Variants in RBM20 observed in about 807,000 individuals in gnomAD.
RBM20 encodes the protein RNA-binding protein 20.
Under a neutral mutation model 110.1 loss-of-function variants are expected in RBM20, and 51 were observed. That is an observed-to-expected ratio of 0.46 (90% CI 0.37 to 0.59). The LOEUF (loss-of-function observed/expected upper bound fraction) is 0.59. Ranked by LOEUF, RBM20 falls within the 20% of genes least tolerant of loss-of-function variation. RBM20 has a pLI of 0.00. For missense variants in RBM20, 1,512 were observed against 1,574.9 expected, an observed-to-expected ratio of 0.96 and a Z score of 0.68; for synonymous variants, 589 against 618.2, an observed-to-expected ratio of 0.95 and a Z score of 0.70.
intron 1 of RBM20, among the ~76,000 whole-genome samples, chr10:110,776,471 C>A (rs1844265747): frequency 6.6e-6 from 1 of 152,218 alleles, no homozygotes; most frequent in Non-Finnish European, 1.5e-5. Flanking sequence ...AAGGGACAAT[C>A]TGTTTCCTGG....
At chr10:110,741,382 A>G (rs1843723873) in intron 1 of RBM20, among the ~76,000 whole-genome samples, 1 of 152,132 alleles carries the variant, frequency 6.6e-6, no homozygotes, top group African/African-American at 2.4e-5. Context: ...TATTTAGGGG[A>G]CTGCAGCTGT....
Position 110,675,402 on chromosome 10 carries a change from G to A in RBM20, c.191+30757G>A, listed in dbSNP as rs563529963. 7.9e-5 allele frequency among the ~76,000 whole-genome samples: 12 copies of A among 152,296 alleles called. No homozygotes were observed. The East Asian group carries it at 2.1e-3, about 27-fold the overall frequency. On this transcript the variant is annotated intron_variant, in intron 1 of 13. Coordinates refer to ENST00000369519, the MANE Select transcript of RBM20 (RefSeq NM_001134363.3). ...AGCACCATCATCATTATGAGCAGCT[G>A]TGTCTTGCATTCTTATAATGTGGTT... is the stretch of plus-strand genomic sequence containing the variant.
rs1489998504 is a variant in RBM20, at chr10:110,838,024, T to C, written c.*2046T>C. On this transcript the variant is annotated 3_prime_UTR_variant, in exon 14 of 14. Coordinates refer to ENST00000369519, the MANE Select transcript of RBM20 (RefSeq NM_001134363.3). ...TCAGGAGAGAGAGAGAGAGAAAGAA[T>C]AGCCAAATCCCCAAACAGGCCAGTT... 6.6e-6 allele frequency: 1 copy of C among 152,120 alleles called. No homozygotes were observed. Among genetic ancestry groups the C allele is most frequent in the Non-Finnish European group, 1.5e-5 (1 of 68,040 alleles). The allele number at this position is 152,120 out of a possible 1,614,324, so 9.4% of individuals were successfully genotyped here.
intron 9 of RBM20, among the ~76,000 whole-genome samples, chr10:110,817,135 G>A (rs1337624493): frequency 2.0e-5 from 3 of 152,186 alleles, no homozygotes; most frequent in Non-Finnish European, 4.4e-5. Flanking sequence ...GACTAGGGAA[G>A]GGAAGCCAGG....
At chr10:110,761,503 G>A (rs1474239658) in intron 1 of RBM20, among the ~76,000 whole-genome samples, 3 of 152,158 alleles carry the variant, frequency 2.0e-5, no homozygotes, top group African/African-American at 7.2e-5. Flanking sequence ...TGGCACTTGG[G>A]CGACTTAAGC....
intron 1 of RBM20, among the ~76,000 whole-genome samples, chr10:110,762,132 C>T (rs1844013074): frequency 1.3e-5 from 2 of 152,232 alleles, no homozygotes; most frequent in African/African-American, 4.8e-5. Context: ...TAACCACATA[C>T]TAGGCTTTGA....
intron 1 of RBM20, among the ~76,000 whole-genome samples, chr10:110,663,635 T>C (rs1862136918): frequency 6.6e-6 from 1 of 152,204 alleles, no homozygotes; most frequent in African/African-American, 2.4e-5. Context: ...TTTGTCTTAA[T>C]TATAAAAAAA....
At chr10:110,801,744 G>A (rs544805019) in intron 7 of RBM20, among the ~76,000 whole-genome samples, 3 of 131,378 alleles carry the variant, frequency 2.3e-5, no homozygotes, top group South Asian at 2.3e-4. Context: ...ACAGGGTTTC[G>A]CCATATTGGC....
chr10:110,665,136 A>G (rs1358131815), intron 1 of RBM20, among the ~76,000 whole-genome samples: 1 of 152,076 alleles, frequency 6.6e-6, no homozygotes, highest in African/African-American at 2.4e-5. Context: ...TCAGCCTCGC[A>G]AAGTGTTGGA....
At chr10:110,782,579 TTA>T (rs1463258655) in intron 2 of RBM20, among the ~76,000 whole-genome samples, 2 of 152,344 alleles carry the variant, frequency 1.3e-5, no homozygotes, top group African/African-American at 4.8e-5. Flanking sequence ...GTAGATATTA[TTA>T]TGATTTTCAT....
Position 110,781,690 on chromosome 10 carries a change from C to T in RBM20, c.1081C>T (p.Pro361Ser). Residue 361 changes from proline to serine, a missense_variant, in exon 2 of 14, where the codon CCT (proline) becomes TCT (serine). This residue lies in a region of RBM20 where 1,149 missense variants were observed against 1,169.4 expected (regional missense o/e 0.98). Transcript: ENST00000369519. Reference sequence around the variant, plus strand: ...CGAGGAACCAACCTCAGACAGGACACCTCCTTCCTTCGGGGGTCGGCTTAA... The same window carrying T: ...CGAGGAACCAACCTCAGACAGGACATCTCCTTCCTTCGGGGGTCGGCTTAA... ...DPEEPTSDRT[P>S]PSFGGRLNNS... The T allele has an allele frequency of 6.5e-7, 1 of 1,550,248 alleles. No homozygotes were observed.
intron 5 of RBM20, among the ~76,000 whole-genome samples, chr10:110,789,415 G>GTT (rs5787873): frequency 1.0e-3 from 151 of 148,752 alleles, no homozygotes; most frequent in Non-Finnish European, 1.8e-3. Context: ...TTTTGTTTAG[G>GTT]TTTTTTTTTT....
At chr10:110,819,948 T>A (rs573025329) in intron 9 of RBM20, 124 bp from the exon 10 acceptor site, 30 of 570,130 alleles carry the variant, frequency 5.3e-5, no homozygotes, top group African/African-American at 5.1e-4. Context: ...TCTGGGAGGA[T>A]AAAGGAAATG....
intron 1 of RBM20, among the ~76,000 whole-genome samples, chr10:110,762,160 TCA>T (rs1844013320): frequency 6.6e-6 from 1 of 152,248 alleles, no homozygotes; most frequent in Non-Finnish European, 1.5e-5. Flanking sequence ...GGTGAGGTAC[TCA>T]GTCATTTGGA....
intron 1 of RBM20, among the ~76,000 whole-genome samples, chr10:110,719,058 T>G (rs1219719760): frequency 6.6e-6 from 1 of 152,266 alleles, no homozygotes; most frequent in African/African-American, 2.4e-5. Context: ...TTTTCCTACA[T>G]ACATTTGGAG....
At chr10:110,681,947 T>C (rs1862429584) in intron 1 of RBM20, among the ~76,000 whole-genome samples, 1 of 152,166 alleles carries the variant, frequency 6.6e-6, no homozygotes, top group Non-Finnish European at 1.5e-5. Flanking sequence ...TGCAGTGCAA[T>C]GGCATGATCT....
chr10:110,702,049 C>T (rs1862766218), intron 1 of RBM20, among the ~76,000 whole-genome samples: 1 of 152,152 alleles, frequency 6.6e-6, no homozygotes, highest in Non-Finnish European at 1.5e-5. Context: ...TTATCTGCCC[C>T]CAGAGGCACT....
At chr10:110,756,793 A>G (rs1216225140) in intron 1 of RBM20, 1 of 152,244 alleles carries the variant, frequency 6.6e-6, no homozygotes, top group African/African-American at 2.4e-5. Flanking sequence ...TTTCCTGGAA[A>G]TCATTTCATA....
At chr10:110,801,882 G>A (rs567956475) in intron 7 of RBM20, among the ~76,000 whole-genome samples, 15 of 151,988 alleles carry the variant, frequency 9.9e-5, no homozygotes, top group South Asian at 6.2e-4. Flanking sequence ...CCCTAATTGC[G>A]CATGGAGATT....
Sources: allele counts gnomAD v4.1 joint callset (sites outside exome capture counted in the v4.1 genomes callset), GRCh38; gene constraint gnomAD v4.1.1; regional missense constraint gnomAD v4.1.1; transcripts MANE v1.5; gene names NCBI Gene and HGNC (gene_info 2026-07-23, HGNC 2026-07-21).